ZNF320: variants seen among roughly 807,000 people sequenced by gnomAD.
The protein encoded by ZNF320 is zinc finger gene 320.
ZNF320 carries 2 observed loss-of-function variants against 6.8 expected under a neutral mutation model. That is an observed-to-expected ratio of 0.29 (90% CI 0.12 to 0.93). The LOEUF (loss-of-function observed/expected upper bound fraction) is 0.93, where lower values mean the gene tolerates loss of function less well. Ranked by LOEUF, ZNF320 falls within the 40% of genes least tolerant of loss-of-function variation. ZNF320 has a pLI of 0.55. For synonymous variants in ZNF320, 208 were observed against 203.2 expected (o/e 1.02, Z -0.20); for missense variants, 472 against 611.0 (o/e 0.77, Z 2.40).
downstream of ZNF320, among the ~76,000 whole-genome samples, chr19:52,860,316 T>C (rs1170352948): frequency 6.6e-6 from 1 of 152,060 alleles, no homozygotes; most frequent in Non-Finnish European, 1.5e-5. Context: ...AAGCTATCCT[T>C]AGGCGGTCCC....
chr19:52,880,485 G>C lies in ZNF320; in HGVS notation c.*111C>G. ...CAAAGTGCTGGGATTACAGGTGTGA[G>C]ACACCACGCCTGGCCCAATCCTCTT... On this transcript the variant is annotated 3_prime_UTR_variant, in exon 6 of 6. Transcript: ENST00000682928. The C allele has an allele frequency of 1.2e-5, 13 of 1,104,122 alleles. No individual in the cohort carries two copies. Among genetic ancestry groups the C allele is most frequent in the Admixed American group, 2.7e-5 (1 of 36,986 alleles). The allele number at this position is 1,104,122 out of a possible 1,614,324, so 68.4% of individuals were successfully genotyped here. A position where few individuals can be genotyped will look rare whatever the true frequency, so the allele number is the denominator to read the frequency against.
intron 5 of ZNF320, among the ~76,000 whole-genome samples, chr19:52,869,727 A>G (rs1266426435): frequency 6.6e-6 from 1 of 150,802 alleles, no homozygotes; most frequent in Non-Finnish European, 1.5e-5. Flanking sequence ...TTATTTATGT[A>G]TTTATAGAGA....
At chr19:52,869,294 T>G (rs1377677243) in intron 5 of ZNF320, among the ~76,000 whole-genome samples, 1 of 152,194 alleles carries the variant, frequency 6.6e-6, no homozygotes, top group Non-Finnish European at 1.5e-5. Flanking sequence ...GTTTTACATC[T>G]CTTAAATTAA....
the ZNF320 span, among the ~76,000 whole-genome samples, chr19:52,903,132 ATT>A: frequency 2.6e-5 from 4 of 152,266 alleles, no homozygotes; most frequent in African/African-American, 7.2e-5. Flanking sequence ...TAAATTATAC[ATT>A]TTTTGCATAA....
exon 6 of ZNF320, chr19:52,862,468 A>G (rs1172486230): frequency 2.7e-6 from 1 of 374,142 alleles, no homozygotes; most frequent in East Asian, 7.2e-5. Flanking sequence ...GGTATGAATG[A>G]TGACTGTAAA....
At chr19:52,861,032 A>AAACAAACAAACAAAC in exon 6 of ZNF320, among the ~76,000 whole-genome samples, 2 of 151,412 alleles carry the variant, frequency 1.3e-5, no homozygotes, top group Middle Eastern at 3.4e-3. Flanking sequence ...AACAAACAAA[A>AAACAAACAAACAAAC]CAAAAACGAA....
rs59001698 is a variant in ZNF320, at chr19:52,878,241, CTTTTTTTTTTTTTT to C, written c.*2341_*2354del. Reference sequence around the variant, plus strand: ...TGCCTGCCACTCTGTGCATCACTTTCTTTTTTTTTTTTTTTTTTTTTTTTTTGAGATGGAGTCTC... The same window carrying C: ...TGCCTGCCACTCTGTGCATCACTTTCTTTTTTTTTTTTGAGATGGAGTCTC... On this transcript the variant is annotated 3_prime_UTR_variant, in exon 6 of 6. Transcript: ENST00000682928. The C allele has an allele frequency of 3.1e-4, 31 of 98,882 alleles. No homozygotes were observed. The highest frequency in any genetic ancestry group is 1.3e-3 in the South Asian group (3 of 2,358). 6.1% of individuals were successfully genotyped at this position (98,882 alleles called of 1,614,324 possible).
intron 5 of ZNF320, among the ~76,000 whole-genome samples, chr19:52,865,189 G>A (rs532657822): frequency 3.3e-5 from 5 of 151,696 alleles, no homozygotes; most frequent in Non-Finnish European, 7.4e-5. Context: ...GGGTGTGGTC[G>A]TGGGCACCTG....
chr19:52,874,919 A>G (rs1380375133), downstream of ZNF320, among the ~76,000 whole-genome samples: 1 of 152,128 alleles, frequency 6.6e-6, no homozygotes, highest in African/African-American at 2.4e-5. Flanking sequence ...CAGAAAAAGG[A>G]AAGAAGCCTG....
rs2064102785 is a variant in ZNF320, at chr19:52,886,977, A to AAGGAAGGAAGGAAGGAAGGAAGGAAG, written c.142+1149_142+1150insCTTCCTTCCTTCCTTCCTTCCTTCCT. 5.4e-4 allele frequency among the ~76,000 whole-genome samples: 67 copies of AAGGAAGGAAGGAAGGAAGGAAGGAAG among 123,198 alleles called. 2 individuals carry two copies. The highest frequency in any genetic ancestry group is 2.0e-3 in the African/African-American group (64 of 31,516). 80.8% of individuals were successfully genotyped at this position (123,198 alleles called of 152,430 possible). On this transcript the variant is annotated intron_variant, in intron 5 of 5. Coordinates refer to ENST00000682928, the MANE Select transcript of ZNF320 (RefSeq NM_001351774.2). ...AGAAAGAAAGAAAGAAAAGAAAGAA[A>AAGGAAGGAAGGAAGGAAGGAAGGAAG]GAAGGAAGGAAGGAAGGAAGGAAGG... is the stretch of plus-strand genomic sequence containing the variant.
chr19:52,884,122 C>T (rs984633188), intron 5 of ZNF320, among the ~76,000 whole-genome samples: 1 of 152,132 alleles, frequency 6.6e-6, no homozygotes, highest in African/African-American at 2.4e-5. Context: ...TGGGCTAAAC[C>T]GTGAAGAAGC....
At chr19:52,895,805 G>T (rs1000523924) in intron 1 of ZNF320, 1 of 151,810 alleles carries the variant, frequency 6.6e-6, no homozygotes, top group African/African-American at 2.4e-5. Context: ...GGGAGACTTT[G>T]TCTCAAAAAA....
Position 52,880,521 on chromosome 19 carries a change from G to A in ZNF320, c.*75C>T, listed in dbSNP as rs181303436. 3 of 1,429,508 alleles carry A rather than the reference G, an allele frequency of 2.1e-6. No homozygotes were observed. Among genetic ancestry groups the A allele is most frequent in the Admixed American group, 2.1e-5 (1 of 48,710 alleles). 88.6% of individuals were successfully genotyped at this position (1,429,508 alleles called of 1,614,324 possible). ...TGGCCCAATCCTCTTAACATAAACA[G>A]TTTAATGTCGATTAATGCTTGAAAT... On this transcript the variant is annotated 3_prime_UTR_variant, in exon 6 of 6. Transcript: ENST00000682928.
chr19:52,897,294 C>T lies in ZNF320; in HGVS notation c.-270+226G>A, dbSNP rs558516834. Among the ~76,000 whole-genome samples, 44 of 152,316 alleles carry T rather than the reference C, an allele frequency of 2.9e-4. 2 individuals are homozygous for T. The South Asian group carries it at 6.2e-3, about 22-fold the overall frequency. On this transcript the variant is annotated intron_variant, in intron 1 of 5. Coordinates refer to ENST00000682928, the MANE Select transcript of ZNF320 (RefSeq NM_001351774.2). The stretch of plus-strand genomic sequence containing the variant: ...CCTCCCGGGAACCGGGGTTGAGGCG[C>T]GGCGCTCCTGAAGCCGCCGAGAGCG...
chr19:52,873,940 G>A, downstream of ZNF320: 1 of 409,984 alleles, frequency 2.4e-6, no homozygotes. Flanking sequence ...ACAATACCTG[G>A]CATTTCAGAA....
chr19:52,873,052 C>T (rs775353618), downstream of ZNF320, among the ~76,000 whole-genome samples: 1 of 152,186 alleles, frequency 6.6e-6, no homozygotes, highest in Non-Finnish European at 1.5e-5. Context: ...AGCCATAGGG[C>T]GGTTTTCTCC....
rs1600641783 is a variant in ZNF320, at chr19:52,888,615, G to C, written c.16-362C>G. Among the ~76,000 whole-genome samples the C allele has an allele frequency of 1.6e-5, 2 of 126,000 alleles. 1 individual carries two copies. The highest frequency in any genetic ancestry group is 4.2e-4 in the East Asian group (2 of 4,738). The allele number at this position is 126,000 out of a possible 152,430, so 82.7% of individuals were successfully genotyped here. A position where few individuals can be genotyped will look rare whatever the true frequency, so the allele number is the denominator to read the frequency against. ...AAGGCATTCTAGCCTGGGCAACAAA[G>C]CAAGACTCTCTCTCAAAATAAAATA... On this transcript the variant is annotated intron_variant, in intron 4 of 5. Transcript: ENST00000682928.
upstream of ZNF320, among the ~76,000 whole-genome samples, chr19:52,900,591 C>G (rs866822962): frequency 5.9e-4 from 90 of 152,254 alleles, no homozygotes; most frequent in African/African-American, 2.1e-3. Context: ...GGTACTGGCA[C>G]ATTTATTTCA....
intron 5 of ZNF320, among the ~76,000 whole-genome samples, chr19:52,887,550 G>A (rs1034303503): frequency 2.0e-5 from 3 of 152,212 alleles, no homozygotes; most frequent in South Asian, 2.1e-4. Flanking sequence ...CACAGGAGAA[G>A]CAAACAGGGA....
Sources: gnomAD v4.1 joint callset for allele counts (sites outside exome capture counted in the v4.1 genomes callset) on GRCh38, gnomAD v4.1.1 for gene constraint, MANE v1.5 for transcripts, NCBI Gene and HGNC (gene_info 2026-07-23, HGNC 2026-07-21) for gene names.